FAM222B: variants seen among roughly 807,000 people sequenced by gnomAD.
The protein encoded by FAM222B is protein FAM222B.
Under a neutral mutation model 38.0 loss-of-function variants are expected in FAM222B, and 12 were observed. The ratio of observed to expected loss-of-function variants is 0.32; its 90% CI spans 0.20 to 0.51. The LOEUF (loss-of-function observed/expected upper bound fraction) is 0.51, where lower values mean the gene tolerates loss of function less well. Among genes scored for constraint, FAM222B ranks in the 20% least tolerant of loss-of-function variants. FAM222B has a pLI of 0.97. For missense variants in FAM222B, 716 were observed against 754.2 expected (o/e 0.95, Z 0.59); for synonymous variants, 329 against 317.2 (o/e 1.04, Z -0.40).
Position 28,802,005 on chromosome 17 carries a change from T to C in FAM222B, c.-40-35298A>G, listed in dbSNP as rs559164705. Among the ~76,000 whole-genome samples the C allele has an allele frequency of 3.6e-3, 485 of 134,426 alleles. 6 individuals carry two copies. The highest frequency in any genetic ancestry group is 0.013 in the African/African-American group (467 of 36,546). The allele number at this position is 134,426 out of a possible 152,430, so 88.2% of individuals were successfully genotyped here. On this transcript the variant is annotated intron_variant, in intron 1 of 2. Transcript: ENST00000581407. Reference sequence around the variant, plus strand: ...TGATCCTCAAAAACACTTTGCTGAATGCAAAAAAAAAAAAAGAAAAAAAGA... The same window carrying C: ...TGATCCTCAAAAACACTTTGCTGAACGCAAAAAAAAAAAAAGAAAAAAAGA...
At chr17:28,775,429 T>C in intron 1 of FAM222B, among the ~76,000 whole-genome samples, 1 of 150,300 alleles carries the variant, frequency 6.7e-6, no homozygotes, top group East Asian at 1.9e-4. Flanking sequence ...CAGTACTTCA[T>C]TAGTTCTCTT....
intron 1 of FAM222B, among the ~76,000 whole-genome samples, chr17:28,780,499 T>C (rs2036120432): frequency 6.7e-6 from 1 of 150,034 alleles, no homozygotes; most frequent in Non-Finnish European, 1.5e-5. Flanking sequence ...AAGAAATAAA[T>C]AAAACAATCT....
chr17:28,854,550 C>T (rs1434996432), intron 1 of FAM222B, among the ~76,000 whole-genome samples: 3 of 152,184 alleles, frequency 2.0e-5, no homozygotes, highest in African/African-American at 7.2e-5. Context: ...CCGGGGCCAC[C>T]GCTGACCTCT....
intron 1 of FAM222B, among the ~76,000 whole-genome samples, chr17:28,812,915 T>G (rs1024070494): frequency 3.6e-4 from 53 of 148,372 alleles, no homozygotes; most frequent in Non-Finnish European, 6.8e-4. Context: ...TCTAATCAAC[T>G]GCACTGCACT....
intron 1 of FAM222B, among the ~76,000 whole-genome samples, chr17:28,804,767 G>C (rs2151910209): frequency 6.6e-6 from 1 of 152,234 alleles, no homozygotes; most frequent in East Asian, 1.9e-4. Context: ...TGCAGGCCGG[G>C]TGCGGTGGCT....
intron 1 of FAM222B, among the ~76,000 whole-genome samples, chr17:28,839,367 C>A (rs2038957236): frequency 6.6e-6 from 1 of 152,106 alleles, no homozygotes; most frequent in South Asian, 2.1e-4. Flanking sequence ...ACCCCTTTTT[C>A]TTCCCCAGGG....
intron 1 of FAM222B, among the ~76,000 whole-genome samples, chr17:28,798,974 T>A (rs577010847): frequency 6.7e-6 from 1 of 150,272 alleles, no homozygotes; most frequent in Admixed American, 6.7e-5. Flanking sequence ...GGAATCCTGT[T>A]GTTTTTTTTT....
chr17:28,760,734 G>A (rs562176811), intron 2 of FAM222B, among the ~76,000 whole-genome samples: 48 of 152,312 alleles, frequency 3.2e-4, no homozygotes, highest in African/African-American at 1.0e-3. Context: ...AGTCTGCAGG[G>A]ACCAATGAGG....
chr17:28,837,435 A>AT (rs2038883365), intron 1 of FAM222B, among the ~76,000 whole-genome samples: 1 of 151,526 alleles, frequency 6.6e-6, no homozygotes, highest in Non-Finnish European at 1.5e-5. Flanking sequence ...GTCTCAAAAA[A>AT]AAAAAAAATA....
At chr17:28,806,546 G>A (rs2037505285) in intron 1 of FAM222B, among the ~76,000 whole-genome samples, 1 of 152,114 alleles carries the variant, frequency 6.6e-6, no homozygotes, top group African/African-American at 2.4e-5. Context: ...GCTTGAGTCC[G>A]GGAGTTCAAG....
chr17:28,812,118 C>G (rs1321081432), intron 1 of FAM222B: 1 of 152,184 alleles, frequency 6.6e-6, no homozygotes, highest in Non-Finnish European at 1.5e-5. Context: ...CTGATGCGAT[C>G]CAGAGACATT....
chr17:28,823,298 C>A (rs2038328176), intron 1 of FAM222B, among the ~76,000 whole-genome samples: 1 of 152,034 alleles, frequency 6.6e-6, no homozygotes, highest in Admixed American at 6.6e-5. Context: ...TTGTCAAATC[C>A]TGTGAGTACT....
intron 1 of FAM222B, among the ~76,000 whole-genome samples, chr17:28,854,257 T>C (rs1216733821): frequency 6.6e-6 from 1 of 152,156 alleles, no homozygotes; most frequent in Admixed American, 6.5e-5. Flanking sequence ...GTTTCAAGTG[T>C]TTGATTTAGA....
At chr17:28,835,966 T>C (rs1023078227) in intron 1 of FAM222B, among the ~76,000 whole-genome samples, 28 of 148,994 alleles carry the variant, frequency 1.9e-4, no homozygotes, top group African/African-American at 7.0e-4. Context: ...TGAACCACCA[T>C]GCCAACTTAA....
chr17:28,765,410 G>C (rs970227140), intron 2 of FAM222B, among the ~76,000 whole-genome samples: 1 of 152,142 alleles, frequency 6.6e-6, no homozygotes, highest in Admixed American at 6.5e-5. Flanking sequence ...ATGCAACAGA[G>C]ACCACATGGC....
intron 1 of FAM222B, chr17:28,834,673 T>G (rs1324335163): frequency 2.0e-5 from 3 of 152,076 alleles, no homozygotes; most frequent in Non-Finnish European, 4.4e-5. Context: ...TTACAGCACT[T>G]ATTGTACTGA....
chr17:28,782,565 CTAAAGA>C (rs776884634), intron 1 of FAM222B, among the ~76,000 whole-genome samples: 2 of 151,998 alleles, frequency 1.3e-5, no homozygotes, highest in African/African-American at 4.8e-5. Flanking sequence ...TAAAGGATAT[CTAAAGA>C]TAAACAAAAA....
At chr17:28,810,425 CATACTAGCTAACTCTGTTTTAT>C (rs2037700172) in intron 1 of FAM222B, among the ~76,000 whole-genome samples, 2 of 100,734 alleles carry the variant, frequency 2.0e-5, no homozygotes, top group Admixed American at 2.0e-4. Context: ...CTTTGTTTTA[CATACTAGCTAACTCTGTTTTAT>C]ATACTAGCTA....
At chr17:28,842,303 C>A (rs567540835) in intron 1 of FAM222B, among the ~76,000 whole-genome samples, 1 of 152,218 alleles carries the variant, frequency 6.6e-6, no homozygotes, top group South Asian at 2.1e-4. Flanking sequence ...CTCCGGGAGA[C>A]CGACCCTTCC....
Sources: allele counts gnomAD v4.1 joint callset (sites outside exome capture counted in the v4.1 genomes callset), GRCh38; gene constraint gnomAD v4.1.1; transcripts MANE v1.5; gene names NCBI Gene and HGNC (gene_info 2026-07-23, HGNC 2026-07-21).